The following ZFHX3 variants were observed in gnomAD, a reference collection of about 807,000 sequenced individuals.
The protein encoded by ZFHX3 is zinc finger homeobox 3.
ZFHX3 carries 42 observed loss-of-function variants against 279.1 expected under a neutral mutation model. The observed-to-expected ratio is 0.15, with a 90% confidence interval of 0.12 to 0.19. The LOEUF (loss-of-function observed/expected upper bound fraction) is 0.19. ZFHX3 is among the 10% of genes least tolerant of loss of function. The pLI, the probability that ZFHX3 is intolerant of heterozygous loss-of-function variation, is 1.00. For missense variants in ZFHX3, 4,981 were observed against 4,754.0 expected (o/e 1.05, Z -1.40); for synonymous variants, 2,293 against 1,957.8 (o/e 1.17, Z -4.52).
intron 1 of ZFHX3, among the ~76,000 whole-genome samples, chr16:73,009,354 C>A (rs1234052648): frequency 1.3e-5 from 2 of 151,910 alleles, no homozygotes; most frequent in African/African-American, 4.8e-5. Context: ...TGCCGGTAAA[C>A]AGAAATCCAC....
chr16:73,831,897 G>C (rs1291852096), intron 1 of ZFHX3, among the ~76,000 whole-genome samples: 1 of 152,070 alleles, frequency 6.6e-6, no homozygotes, highest in East Asian at 1.9e-4. Flanking sequence ...GTTTCATCTG[G>C]CTTCTTTGTT....
At chr16:72,990,837 G>A (rs60028025) in intron 1 of ZFHX3, among the ~76,000 whole-genome samples, 38,416 of 152,008 alleles carry the variant, frequency 0.25, 5,400 homozygotes, top group East Asian at 0.49. Context: ...AAAATTAGCC[G>A]GGTGTGGCGG....
intron 8 of ZFHX3, among the ~76,000 whole-genome samples, chr16:73,069,237 G>C (rs1240559041): frequency 1.3e-5 from 2 of 152,210 alleles, no homozygotes; most frequent in African/African-American, 2.4e-5. Flanking sequence ...TTTGTTAACA[G>C]AGAGGGGTAT....
At chr16:73,429,827 C>G (rs140191550) in intron 3 of ZFHX3, among the ~76,000 whole-genome samples, 187 of 152,300 alleles carry the variant, frequency 1.2e-3, no homozygotes, top group African/African-American at 4.4e-3. Flanking sequence ...CTCGCTCCCC[C>G]ACAGATGGCT....
At chr16:73,573,478 C>A (rs377302736) in intron 2 of ZFHX3, among the ~76,000 whole-genome samples, 1 of 152,228 alleles carries the variant, frequency 6.6e-6, no homozygotes, top group Non-Finnish European at 1.5e-5. Context: ...AAAAAGAGGA[C>A]GGAACTAGCA....
At chr16:73,461,574 C>A (rs2018471743) in intron 2 of ZFHX3, among the ~76,000 whole-genome samples, 1 of 152,032 alleles carries the variant, frequency 6.6e-6, no homozygotes, top group Admixed American at 6.5e-5. Context: ...TGGTGTAAAC[C>A]AAGATTGAGG....
At chr16:72,805,504 C>T (rs974756655) in intron 7 of ZFHX3, among the ~76,000 whole-genome samples, 2 of 152,080 alleles carry the variant, frequency 1.3e-5, no homozygotes, top group Non-Finnish European at 2.9e-5. Flanking sequence ...GAGGAGAGAC[C>T]TCAGGCACAG....
chr16:72,960,240 A>G, intron 1 of ZFHX3, 46 bp from the exon 2 acceptor site: 1 of 1,443,736 alleles, frequency 6.9e-7, no homozygotes, highest in Admixed American at 2.4e-5. Flanking sequence ...GGGGAAAGAG[A>G]GAGAGAAAGG....
chr16:73,875,183 TA>T (rs2029909511), intron 1 of ZFHX3, among the ~76,000 whole-genome samples: 1 of 152,182 alleles, frequency 6.6e-6, no homozygotes, highest in Non-Finnish European at 1.5e-5. Context: ...ACCCAACCCA[TA>T]AAAAGATAAG....
At chr16:73,477,232 T>C (rs1345403822) in intron 2 of ZFHX3, among the ~76,000 whole-genome samples, 2 of 152,232 alleles carry the variant, frequency 1.3e-5, no homozygotes, top group African/African-American at 4.8e-5. Flanking sequence ...ATGCTGATAT[T>C]CTGTTAGCAA....
chr16:72,901,098 T>C (rs1490316278), intron 3 of ZFHX3, among the ~76,000 whole-genome samples: 1 of 152,196 alleles, frequency 6.6e-6, no homozygotes, highest in Non-Finnish European at 1.5e-5. Flanking sequence ...TTGGCTCTAT[T>C]CATCTTCCTC....
chr16:73,516,065 C>G (rs1421370002), intron 2 of ZFHX3, among the ~76,000 whole-genome samples: 1 of 152,242 alleles, frequency 6.6e-6, no homozygotes. Flanking sequence ...GTCGCTAACT[C>G]TTCACCATCA....
chr16:73,290,048 CACAT>C (rs1458022800), intron 4 of ZFHX3, among the ~76,000 whole-genome samples: 3 of 82,006 alleles, frequency 3.7e-5, no homozygotes, highest in East Asian at 3.1e-4. Flanking sequence ...CACACACACA[CACAT>C]ATAGACATTT....
chr16:73,047,530 G>A (rs541212100), intron 1 of ZFHX3, among the ~76,000 whole-genome samples: 5 of 152,290 alleles, frequency 3.3e-5, no homozygotes, highest in South Asian at 2.1e-4. Context: ...GGGGAGGACA[G>A]AGGGAAGGGA....
intron 1 of ZFHX3, among the ~76,000 whole-genome samples, chr16:73,787,708 A>G (rs924677515): frequency 6.6e-6 from 1 of 152,172 alleles, no homozygotes; most frequent in African/African-American, 2.4e-5. Context: ...ACTATCTGGC[A>G]TAGGAATCAT....
At chr16:72,987,959 C>T (rs1258096692) in intron 1 of ZFHX3, among the ~76,000 whole-genome samples, 2 of 152,180 alleles carry the variant, frequency 1.3e-5, no homozygotes, top group Non-Finnish European at 2.9e-5. Flanking sequence ...TTAACAAACA[C>T]CTCCCTGGAT....
chr16:72,929,367 G>C (rs546751507), intron 3 of ZFHX3, among the ~76,000 whole-genome samples: 1 of 152,122 alleles, frequency 6.6e-6, no homozygotes, highest in African/African-American at 2.4e-5. Flanking sequence ...AGGTCCACCC[G>C]GGGGTGAGGG....
chr16:72,818,651 G>A (rs527769833), intron 5 of ZFHX3, among the ~76,000 whole-genome samples: 36 of 152,298 alleles, frequency 2.4e-4, no homozygotes, highest in African/African-American at 8.4e-4. Flanking sequence ...TCAGCAGGGG[G>A]CGGTCTTCAG....
chr16:73,372,146 A>G (rs964066909), intron 3 of ZFHX3, among the ~76,000 whole-genome samples: 1 of 152,222 alleles, frequency 6.6e-6, no homozygotes, highest in Non-Finnish European at 1.5e-5. Flanking sequence ...TCCGGAGTTG[A>G]GAAATGACTT....
Sources: allele counts gnomAD v4.1 joint callset (sites outside exome capture counted in the v4.1 genomes callset), GRCh38; gene constraint gnomAD v4.1.1; transcripts MANE v1.5; gene names NCBI Gene and HGNC (gene_info 2026-07-23, HGNC 2026-07-21).